Variants in CNST observed in about 807,000 individuals in gnomAD.
The protein encoded by CNST is consortin.
Under a neutral mutation model 72.4 loss-of-function variants are expected in CNST, and 39 were observed. That is an observed-to-expected ratio of 0.54 (90% CI 0.42 to 0.70). The LOEUF is 0.70. Ranked by LOEUF, CNST falls within the 30% of genes least tolerant of loss-of-function variation. The probability of loss-of-function intolerance (pLI) is 0.00; values close to 1 mark genes in which losing one functional copy is unlikely to be tolerated. For synonymous variants in CNST, 332 were observed against 320.1 expected, an observed-to-expected ratio of 1.04 and a Z score of -0.40; for missense variants, 871 against 868.5, an observed-to-expected ratio of 1.00 and a Z score of -0.04.
rs551365340 is a variant in CNST at position 246,567,235 on chromosome 1, G to A, written c.-52+572G>A. On this transcript the variant is annotated intron_variant, in intron 1 of 10. Coordinates refer to ENST00000366513, the MANE Select transcript of CNST (RefSeq NM_152609.3). The stretch of plus-strand genomic sequence containing the variant: ...TAAGCTTAAAAAGATTAAGACTTTA[G>A]GATGCTTACTGTATTCCTTATGTAA... Among the ~76,000 whole-genome samples the A allele has an allele frequency of 2.0e-5, 3 of 152,256 alleles. No homozygotes were observed. In the East Asian group the frequency reaches 5.8e-4, roughly 29 times the overall value.
intron 9 of CNST, among the ~76,000 whole-genome samples, chr1:246,649,161 G>GTTTTTTTTTT (rs58577110): frequency 3.7e-5 from 5 of 134,372 alleles, no homozygotes; most frequent in Non-Finnish European, 8.0e-5. Flanking sequence ...CTGTTGTTTT[G>GTTTTTTTTTT]TTTTTTTTTT....
At chr1:246,599,984 A>G (rs1475264917) in intron 2 of CNST, among the ~76,000 whole-genome samples, 2 of 152,238 alleles carry the variant, frequency 1.3e-5, no homozygotes, top group African/African-American at 4.8e-5. Context: ...GACGGGAGTC[A>G]TAAGTAAGCA....
rs141746950 is a variant in CNST, at chr1:246,636,281, G to A, written c.818+1694G>A. ...CGATGGGTTTTATCAGTCCACTTGC[G>A]GGATATGCACGCCGTCCCTCTTACT... On this transcript the variant is annotated intron_variant, in intron 6 of 10. Transcript: ENST00000366513. 2.6e-3 allele frequency among the ~76,000 whole-genome samples: 398 copies of A among 152,202 alleles called. 3 individuals are homozygous for A. The highest frequency in any genetic ancestry group is 9.2e-3 in the African/African-American group (381 of 41,518).
intron 1 of CNST, among the ~76,000 whole-genome samples, chr1:246,591,181 A>G (rs1661525645): frequency 6.6e-6 from 1 of 152,166 alleles, no homozygotes. Flanking sequence ...AGTGGTCCCA[A>G]CCTGATGCAC....
intron 9 of CNST, among the ~76,000 whole-genome samples, chr1:246,657,903 T>C (rs1282617392): frequency 2.6e-5 from 4 of 152,206 alleles, no homozygotes; most frequent in African/African-American, 9.7e-5. Context: ...GCAGAATTCA[T>C]ATCAGAAAGA....
chr1:246,655,602 A>G (rs571393895), intron 9 of CNST, among the ~76,000 whole-genome samples: 2 of 152,334 alleles, frequency 1.3e-5, no homozygotes, highest in Admixed American at 6.5e-5. Flanking sequence ...AATTTTTGCT[A>G]GAGTCTTATT....
chr1:246,660,890 A>G (rs914414121), intron 10 of CNST, among the ~76,000 whole-genome samples: 2 of 152,176 alleles, frequency 1.3e-5, no homozygotes, highest in Non-Finnish European at 2.9e-5. Context: ...TCCCTGTTCC[A>G]TAGACAGTTA....
At chr1:246,572,470 T>C (rs932692384) in intron 1 of CNST, among the ~76,000 whole-genome samples, 1 of 152,124 alleles carries the variant, frequency 6.6e-6, no homozygotes, top group African/African-American at 2.4e-5. Context: ...TTAGATGAAC[T>C]GAAAAACATT....
At position 246,580,887 on chromosome 1, in the gene CNST, C is replaced by T. The variant is rs767010435; in HGVS notation, c.-51-10625C>T. ...TCCTGAGTAACTGGGATTACAGGCG[C>T]GCGCCACCACACCCGGCTAATTTTT... On this transcript the variant is annotated intron_variant, in intron 1 of 10. Transcript: ENST00000366513. Among the ~76,000 whole-genome samples, 24 of 151,836 alleles carry T rather than the reference C, an allele frequency of 1.6e-4. 2 individuals carry two copies. The highest frequency in any genetic ancestry group is 2.2e-4 in the African/African-American group (9 of 41,386).
chr1:246,618,872 T>C (rs373370199), intron 2 of CNST, among the ~76,000 whole-genome samples: 1 of 152,196 alleles, frequency 6.6e-6, no homozygotes, highest in African/African-American at 2.4e-5. Context: ...GGACCCTTTT[T>C]TGATCTCCTT....
intron 1 of CNST, among the ~76,000 whole-genome samples, chr1:246,575,537 A>G (rs1001550804): frequency 6.6e-5 from 10 of 152,294 alleles, no homozygotes; most frequent in Middle Eastern, 6.8e-3. Flanking sequence ...CAGAAAGTAC[A>G]TGAGTGGTTT....
At chr1:246,630,341 A>C (rs890479141) in intron 3 of CNST, among the ~76,000 whole-genome samples, 1 of 152,252 alleles carries the variant, frequency 6.6e-6, no homozygotes, top group African/African-American at 2.4e-5. Flanking sequence ...ACTACTTTTA[A>C]AACATATTAT....
chr1:246,586,968 G>T (rs1211133994), intron 1 of CNST, among the ~76,000 whole-genome samples: 1 of 152,102 alleles, frequency 6.6e-6, no homozygotes, highest in Non-Finnish European at 1.5e-5. Flanking sequence ...TTGAATCCTG[G>T]CTTTGCCACA....
At chr1:246,576,500 T>TG (rs1660444566) in intron 1 of CNST, among the ~76,000 whole-genome samples, 2 of 141,374 alleles carry the variant, frequency 1.4e-5, no homozygotes, top group Admixed American at 1.4e-4. Context: ...TTTTACATCC[T>TG]TTTTTTTTTT....
intron 1 of CNST, among the ~76,000 whole-genome samples, chr1:246,585,458 C>G (rs1661076660): frequency 7.3e-5 from 11 of 151,364 alleles, no homozygotes; most frequent in East Asian, 2.0e-4. Flanking sequence ...ATCAGCCTGT[C>G]CAACATGGCG....
At chr1:246,615,268 C>T (rs1161645048) in intron 2 of CNST, among the ~76,000 whole-genome samples, 1 of 152,106 alleles carries the variant, frequency 6.6e-6, no homozygotes, top group African/African-American at 2.4e-5. Flanking sequence ...CTCCGCCTCC[C>T]GGGTTCACGC....
intron 10 of CNST, among the ~76,000 whole-genome samples, chr1:246,664,056 T>TAAA (rs1667255856): frequency 6.6e-6 from 1 of 152,224 alleles, no homozygotes; most frequent in Non-Finnish European, 1.5e-5. Flanking sequence ...AAATATATGC[T>TAAA]AATTATGAAA....
intron 2 of CNST, among the ~76,000 whole-genome samples, chr1:246,601,917 A>T (rs1662314581): frequency 6.6e-6 from 1 of 152,224 alleles, no homozygotes. Flanking sequence ...AGTTTGGAAG[A>T]TGGTAGGAGA....
intron 1 of CNST, among the ~76,000 whole-genome samples, chr1:246,569,144 A>C (rs958003137): frequency 6.6e-6 from 1 of 152,234 alleles, no homozygotes; most frequent in Non-Finnish European, 1.5e-5. Flanking sequence ...ATAGAAATAC[A>C]ATGCAAGCCA....
Sources: gnomAD v4.1 joint callset for allele counts (sites outside exome capture counted in the v4.1 genomes callset) on GRCh38, gnomAD v4.1.1 for gene constraint, MANE v1.5 for transcripts, NCBI Gene and HGNC (gene_info 2026-07-23, HGNC 2026-07-21) for gene names.